Variants in ADGRL3 observed in about 807,000 individuals in gnomAD.
The protein encoded by ADGRL3 is adhesion G protein-coupled receptor L3, also known as calcium-independent alpha-latrotoxin receptor 3.
In ADGRL3, 62 loss-of-function variants were observed where a neutral mutation model predicts 153.5. The observed-to-expected ratio is 0.40, with a 90% confidence interval of 0.33 to 0.50. The LOEUF (loss-of-function observed/expected upper bound fraction) is 0.50. Ranked by LOEUF, ADGRL3 falls within the 20% of genes least tolerant of loss-of-function variation. ADGRL3 has a pLI of 0.47. For missense variants in ADGRL3, 1,641 were observed against 1,859.4 expected (o/e 0.88, Z 2.16); for synonymous variants, 710 against 672.5 (o/e 1.06, Z -0.86).
chr4:61,259,328 C>T (rs1396273586), intron 1 of ADGRL3, among the ~76,000 whole-genome samples: 4 of 152,054 alleles, frequency 2.6e-5, no homozygotes, highest in Admixed American at 1.3e-4. Flanking sequence ...GAGGCTGAGG[C>T]AGGAGAATGG....
chr4:61,675,793 CT>C (rs1268748421), intron 5 of ADGRL3, among the ~76,000 whole-genome samples: 18 of 151,754 alleles, frequency 1.2e-4, no homozygotes, highest in Non-Finnish European at 2.7e-4. Context: ...AGCATTTATC[CT>C]TTGTGCTACA....
At chr4:61,863,213 T>A (rs953335263) in intron 9 of ADGRL3, among the ~76,000 whole-genome samples, 6 of 149,638 alleles carry the variant, frequency 4.0e-5, no homozygotes, top group South Asian at 2.1e-4. Context: ...CTTGTGTACA[T>A]CATGTCTGGG....
At chr4:61,954,979 A>G (rs1036951732) in intron 17 of ADGRL3, among the ~76,000 whole-genome samples, 1 of 152,200 alleles carries the variant, frequency 6.6e-6, no homozygotes, top group Non-Finnish European at 1.5e-5. Flanking sequence ...AGGTCCCCTC[A>G]GGCAGACAAG....
chr4:61,792,567 G>A (rs1353104944), intron 8 of ADGRL3, among the ~76,000 whole-genome samples: 1 of 151,102 alleles, frequency 6.6e-6, no homozygotes, highest in Admixed American at 6.6e-5. Context: ...TCGGCTCACT[G>A]CAACCTCTGC....
In ADGRL3 at chr4:61,201,097, C is replaced by T. The variant is rs1734528747; in HGVS notation, c.-908C>T. On this transcript the variant is annotated 5_prime_UTR_variant, in exon 1 of 27. Coordinates refer to ENST00000683033, the MANE Select transcript of ADGRL3 (RefSeq NM_001387552.1). ...TTTGGCGGAGAAGCCACCCCTGGCC[C>T]TCGCGGCTCCCCCTACCTATTCCAT... Among the ~76,000 whole-genome samples the T allele has an allele frequency of 6.6e-6, 1 of 152,084 alleles. No individual in the cohort carries two copies. The highest frequency in any genetic ancestry group is 2.1e-4 in the South Asian group (1 of 4,822).
intron 3 of ADGRL3, among the ~76,000 whole-genome samples, chr4:61,512,019 C>A (rs1432351720): frequency 6.6e-6 from 1 of 152,098 alleles, no homozygotes; most frequent in Non-Finnish European, 1.5e-5. Flanking sequence ...GAGAGCCTTT[C>A]AGGTATGCAT....
intron 1 of ADGRL3, among the ~76,000 whole-genome samples, chr4:61,335,071 T>C (rs537834196): frequency 6.6e-6 from 1 of 152,260 alleles, no homozygotes; most frequent in East Asian, 1.9e-4. Context: ...AGCAGAATGA[T>C]TTCTGCTTTT....
chr4:62,051,185 TA>T (rs1560555429), intron 25 of ADGRL3, among the ~76,000 whole-genome samples: 14 of 140,488 alleles, frequency 1.0e-4, no homozygotes, highest in African/African-American at 4.2e-4. Flanking sequence ...TATATATATA[TA>T]TATACATACA....
At chr4:61,526,960 A>T (rs1004553715) in intron 4 of ADGRL3, among the ~76,000 whole-genome samples, 5 of 152,136 alleles carry the variant, frequency 3.3e-5, no homozygotes, top group African/African-American at 1.2e-4. Context: ...TTCAAAAATT[A>T]CACTATGGCC....
Position 61,200,422 on chromosome 4 carries a change from C to T in ADGRL3, c.-1583C>T, listed in dbSNP as rs893555396. On this transcript the variant is annotated 5_prime_UTR_variant, in exon 1 of 27. Coordinates refer to ENST00000683033, the MANE Select transcript of ADGRL3 (RefSeq NM_001387552.1). ...CTCTGACCCGCTGTCTGCGCGTCGCCCCCCTCGCCTGCTGGCCCGGCACCG... is the reference window on the plus strand; with the variant it reads ...CTCTGACCCGCTGTCTGCGCGTCGCTCCCCTCGCCTGCTGGCCCGGCACCG... Among the ~76,000 whole-genome samples the T allele has an allele frequency of 3.3e-5, 5 of 151,430 alleles. No individual in the cohort carries two copies. The highest frequency in any genetic ancestry group is 1.2e-4 in the African/African-American group (5 of 41,500).
chr4:61,673,703 A>G (rs1177022507), intron 5 of ADGRL3, among the ~76,000 whole-genome samples: 1 of 151,370 alleles, frequency 6.6e-6, no homozygotes, highest in Non-Finnish European at 1.5e-5. Flanking sequence ...AAATATAGCT[A>G]GTTTTTAAAC....
chr4:61,759,290 C>G (rs1292907973), intron 8 of ADGRL3, among the ~76,000 whole-genome samples: 1 of 152,150 alleles, frequency 6.6e-6, no homozygotes, highest in Non-Finnish European at 1.5e-5. Flanking sequence ...TCCATTCTCC[C>G]CATCACTTTC....
intron 18 of ADGRL3, among the ~76,000 whole-genome samples, chr4:61,982,077 T>A (rs1162700079): frequency 6.6e-6 from 1 of 152,202 alleles, no homozygotes; most frequent in African/African-American, 2.4e-5. Flanking sequence ...AATTGTGTTA[T>A]TTTCCAAGAA....
intron 4 of ADGRL3, among the ~76,000 whole-genome samples, chr4:61,577,829 A>C (rs544862728): frequency 6.6e-6 from 1 of 151,958 alleles, no homozygotes; most frequent in East Asian, 1.9e-4. Context: ...AAAAAGAAAA[A>C]AAAAGGGTAA....
intron 13 of ADGRL3, among the ~76,000 whole-genome samples, chr4:61,913,648 C>G (rs1486135020): frequency 2.0e-5 from 3 of 152,082 alleles, no homozygotes; most frequent in East Asian, 3.9e-4. Flanking sequence ...AACCAAAACT[C>G]TTAAGTTAGG....
At chr4:61,554,906 T>G (rs2098758225) in intron 4 of ADGRL3, among the ~76,000 whole-genome samples, 1 of 152,016 alleles carries the variant, frequency 6.6e-6, no homozygotes, top group South Asian at 2.1e-4. Flanking sequence ...CAAAGAGTAA[T>G]AAAGTATGGA....
chr4:61,946,603 G>A (rs754994479), intron 15 of ADGRL3, among the ~76,000 whole-genome samples: 1 of 152,008 alleles, frequency 6.6e-6, no homozygotes, highest in Non-Finnish European at 1.5e-5. Flanking sequence ...AAAGTACAAG[G>A]ATATTATTCT....
chr4:61,239,523 A>G lies in ADGRL3; in HGVS notation c.-240+37758A>G, dbSNP rs563547170. ...GGATGTTACTCTCCCAGGAGACAACAAACAGAACACTTAAACTCTGAGTGA... is the reference window on the plus strand; with the variant it reads ...GGATGTTACTCTCCCAGGAGACAACGAACAGAACACTTAAACTCTGAGTGA... On this transcript the variant is annotated intron_variant, in intron 1 of 26. Transcript: ENST00000683033. 6.6e-5 allele frequency among the ~76,000 whole-genome samples: 10 copies of G among 152,242 alleles called. No homozygotes were observed. In the South Asian group the frequency reaches 8.3e-4, roughly 13 times the overall value.
chr4:61,894,601 T>G (rs1364678337), intron 10 of ADGRL3, among the ~76,000 whole-genome samples: 1 of 152,168 alleles, frequency 6.6e-6, no homozygotes, highest in Non-Finnish European at 1.5e-5. Flanking sequence ...TTGAAAGCAC[T>G]TTGCTCTACA....
Sources: allele counts gnomAD v4.1 joint callset (sites outside exome capture counted in the v4.1 genomes callset), GRCh38; gene constraint gnomAD v4.1.1; transcripts MANE v1.5; gene names NCBI Gene and HGNC (gene_info 2026-07-23, HGNC 2026-07-21).